PUS7: variants seen among roughly 807,000 people sequenced by gnomAD.
The protein encoded by PUS7 is pseudouridine synthase 7.
A neutral mutation model predicts 79.8 loss-of-function variants in PUS7; 48 were observed. The ratio of observed to expected loss-of-function variants is 0.60; its 90% confidence interval spans 0.48 to 0.76. The LOEUF is 0.76. Ranked by LOEUF, PUS7 falls within the 30% of genes least tolerant of loss-of-function variation. The pLI, the probability that PUS7 is intolerant of heterozygous loss-of-function variation, is 0.00. For synonymous variants in PUS7, 286 were observed against 272.2 expected, an observed-to-expected ratio of 1.05 and a Z score of -0.50; for missense variants, 729 against 797.6, an observed-to-expected ratio of 0.91 and a Z score of 1.04.
chr7:105,522,231 G>C lies in PUS7; in HGVS notation c.-212C>G, dbSNP rs1398731189. On this transcript the variant is annotated 5_prime_UTR_variant, in exon 1 of 16. Transcript: ENST00000469408. ...CTCCAGCCGACTCACCGGCGGCCGGGCTCGCACACGTGCGGCGCAGCGACG... is the reference window on the plus strand; with the variant it reads ...CTCCAGCCGACTCACCGGCGGCCGGCCTCGCACACGTGCGGCGCAGCGACG... 3 of 151,744 alleles carry C rather than the reference G, an allele frequency of 2.0e-5. No homozygotes were observed. Among genetic ancestry groups the C allele is most frequent in the African/African-American group, 4.8e-5 (2 of 41,376 alleles). The allele number at this position is 151,744 out of a possible 1,614,324, so 9.4% of individuals were successfully genotyped here. A position where few individuals can be genotyped will look rare whatever the true frequency, so the allele number is the denominator to read the frequency against.
At chr7:105,483,125 C>T (rs1824394798) in intron 7 of PUS7, among the ~76,000 whole-genome samples, 1 of 151,900 alleles carries the variant, frequency 6.6e-6, no homozygotes, top group Non-Finnish European at 1.5e-5. Flanking sequence ...AGCCTTTCTC[C>T]CCTTTTTATC....
intron 7 of PUS7, among the ~76,000 whole-genome samples, chr7:105,490,036 T>C (rs1238244194): frequency 6.6e-6 from 1 of 151,024 alleles, no homozygotes; most frequent in Non-Finnish European, 1.5e-5. Flanking sequence ...GGAGAATCAC[T>C]TGAACCAGGG....
At chr7:105,466,903 A>T (rs1019521038) in intron 12 of PUS7, among the ~76,000 whole-genome samples, 2 of 152,072 alleles carry the variant, frequency 1.3e-5, no homozygotes, top group Admixed American at 6.6e-5. Context: ...CAGAGTTAGA[A>T]CCTTAGTGGG....
At chr7:105,479,486 G>A (rs1347283043) in intron 9 of PUS7, among the ~76,000 whole-genome samples, 1 of 152,276 alleles carries the variant, frequency 6.6e-6, no homozygotes, top group East Asian at 1.9e-4. Flanking sequence ...CTTCCAGCTT[G>A]TAACTACCAC....
chr7:105,462,439 A>C lies in PUS7; in HGVS notation c.1757+182T>G, dbSNP rs112735145. The C allele has an allele frequency of 9.3e-5, 59 of 636,092 alleles. 1 individual carries two copies. The Admixed American group carries it at 1.1e-3, about 12-fold the overall frequency. 39.4% of individuals were successfully genotyped at this position (636,092 alleles called of 1,614,324 possible). ...TAGTGAAACTCCGTCTCAAAAAAAA[A>C]CCAAAAAAAAAACAAAAGGTAAGTA... is the stretch of plus-strand genomic sequence containing the variant. On this transcript the variant is annotated intron_variant, in intron 14 of 15. Coordinates refer to ENST00000469408, the MANE Select transcript of PUS7 (RefSeq NM_019042.5).
At chr7:105,510,085 G>A (rs1180943237) in intron 1 of PUS7, among the ~76,000 whole-genome samples, 1 of 152,178 alleles carries the variant, frequency 6.6e-6, no homozygotes, top group African/African-American at 2.4e-5. Flanking sequence ...CAGATCACCT[G>A]AGGTCGGGAG....
intron 9 of PUS7, among the ~76,000 whole-genome samples, chr7:105,477,521 G>T (rs1359854894): frequency 6.6e-6 from 1 of 152,050 alleles, no homozygotes. Flanking sequence ...CCAAAGGGCT[G>T]GGATTACGGG....
chr7:105,464,061 T>C (rs1344754061), intron 13 of PUS7, among the ~76,000 whole-genome samples: 1 of 152,170 alleles, frequency 6.6e-6, no homozygotes, highest in African/African-American at 2.4e-5. Context: ...ACCTGAAATA[T>C]CACCCATCCA....
Position 105,470,483 on chromosome 7 carries a change from C to T in PUS7, c.1398+205G>A, listed in dbSNP as rs556164187. Reference sequence around the variant, plus strand: ...TTTCCACATTGACGCTTTTCTTGTGCCCTCAATAAGTAATGCCCGCATCCA... The same window carrying T: ...TTTCCACATTGACGCTTTTCTTGTGTCCTCAATAAGTAATGCCCGCATCCA... On this transcript the variant is annotated intron_variant, in intron 11 of 15. Transcript: ENST00000469408. The T allele has an allele frequency of 1.1e-4, 47 of 420,606 alleles. No individual in the cohort carries two copies. The South Asian group carries it at 4.1e-3, about 37-fold the overall frequency. 26.1% of individuals were successfully genotyped at this position (420,606 alleles called of 1,614,324 possible).
chr7:105,465,661 C>G (rs573074849), intron 12 of PUS7, among the ~76,000 whole-genome samples: 1 of 151,938 alleles, frequency 6.6e-6, no homozygotes, highest in Non-Finnish European at 1.5e-5. Context: ...GGAGAAACCC[C>G]GTCTCTACTA....
intron 9 of PUS7, among the ~76,000 whole-genome samples, chr7:105,479,777 C>A (rs1163793177): frequency 6.6e-6 from 1 of 152,098 alleles, no homozygotes; most frequent in Non-Finnish European, 1.5e-5. Flanking sequence ...ACGGGCAGAT[C>A]ACTGGAGGTC....
intron 5 of PUS7, among the ~76,000 whole-genome samples, chr7:105,501,408 T>A (rs1048163770): frequency 1.3e-5 from 2 of 152,096 alleles, no homozygotes; most frequent in Admixed American, 6.6e-5. Context: ...AAAAAAAAAT[T>A]ACCTAATTTT....
At chr7:105,515,196 T>C (rs1825849825) in intron 1 of PUS7, among the ~76,000 whole-genome samples, 1 of 152,116 alleles carries the variant, frequency 6.6e-6, no homozygotes, top group South Asian at 2.1e-4. Flanking sequence ...CCCATAACTA[T>C]TACACCTTCC....
chr7:105,484,464 C>G (rs1355404769), intron 7 of PUS7, among the ~76,000 whole-genome samples: 6 of 147,286 alleles, frequency 4.1e-5, no homozygotes, highest in African/African-American at 1.5e-4. Flanking sequence ...TTAAAACAAA[C>G]AACTATATGG....
chr7:105,470,858 G>T lies in PUS7; in HGVS notation c.1238-10C>A, dbSNP rs1244638379. 1.3e-6 allele frequency: 2 copies of T among 1,566,012 alleles called. No homozygotes were observed. Among genetic ancestry groups the T allele is most frequent in the Non-Finnish European group, 1.7e-6 (2 of 1,149,666 alleles). ...AAGTAGCCCTTTTCAGCTGCGGGGG[G>T]AAAAAGCTAGGGTTAAATGACTTAC... On this transcript the variant is annotated splice_polypyrimidine_tract_variant and intron_variant, in intron 10 of 15. Coordinates refer to ENST00000469408, the MANE Select transcript of PUS7 (RefSeq NM_019042.5).
Position 105,495,208 on chromosome 7 carries a change from T to C in PUS7, c.776A>G (p.His259Arg). ...TTTGTTTTCCTTATATAGTACGAAG[T>C]GGCAGTAACTTCCCCTAGATTTTGG... ...SWPKSRGSYC[H>R]FVLYKENKDT... is the part of the protein sequence containing the mutation. The change falls in exon 6 of 16, where the codon CAC (histidine) becomes CGC (arginine). Residue 259 changes from histidine to arginine, a missense_variant. Physicochemically the swap from His to Arg is conservative, Grantham distance 29 (BLOSUM62 0). Coordinates refer to ENST00000469408, the MANE Select transcript of PUS7 (RefSeq NM_019042.5). The C allele has an allele frequency of 1.2e-6, 2 of 1,612,932 alleles. No homozygotes were observed. Among genetic ancestry groups the C allele is most frequent in the Admixed American group, 1.7e-5 (1 of 59,924 alleles).
At chr7:105,497,656 AT>A (rs949559449) in intron 5 of PUS7, among the ~76,000 whole-genome samples, 7 of 152,198 alleles carry the variant, frequency 4.6e-5, no homozygotes, top group Admixed American at 2.0e-4. Flanking sequence ...ATAGGAAGAA[AT>A]TATTGTTGAT....
chr7:105,511,609 A>C (rs1253770774), intron 1 of PUS7, among the ~76,000 whole-genome samples: 1 of 151,230 alleles, frequency 6.6e-6, no homozygotes, highest in Non-Finnish European at 1.5e-5. Context: ...AAAAATACAA[A>C]GATTAGCTGG....
intron 1 of PUS7, among the ~76,000 whole-genome samples, chr7:105,514,075 C>CA (rs1386413147): frequency 3.7e-5 from 5 of 135,156 alleles, no homozygotes; most frequent in Non-Finnish European, 6.4e-5. Flanking sequence ...CTAAAAAATA[C>CA]AAAAAATTAG....
Sources: allele counts gnomAD v4.1 joint callset (sites outside exome capture counted in the v4.1 genomes callset), GRCh38; gene constraint gnomAD v4.1.1; transcripts MANE v1.5; gene names NCBI Gene and HGNC (gene_info 2026-07-23, HGNC 2026-07-21).